Variants in FGF13 observed in about 807,000 individuals in gnomAD.
The protein encoded by FGF13 is fibroblast growth factor homologous factor 2.
In FGF13, 2 loss-of-function variants were observed where a neutral mutation model predicts 19.5. The ratio of observed to expected loss-of-function variants is 0.10; its 90% CI spans 0.04 to 0.32. FGF13 has a LOEUF of 0.32. Among genes scored for constraint, FGF13 ranks in the 10% least tolerant of loss-of-function variants. The pLI, the probability that FGF13 is intolerant of heterozygous loss-of-function variation, is 1.00. For missense variants in FGF13, 113 were observed against 192.7 expected, an observed-to-expected ratio of 0.59 and a Z score of 2.45; for synonymous variants, 72 against 76.9, an observed-to-expected ratio of 0.94 and a Z score of 0.33.
In FGF13 at chrX:138,625,654, A is replaced by G. The variant is rs764602765; in HGVS notation, c.*7196T>C. The G allele has an allele frequency of 2.2e-4, 24 of 106,972 alleles. No homozygotes were observed. The highest frequency in any genetic ancestry group is 8.1e-4 in the African/African-American group (24 of 29,533). 8.8% of individuals were successfully genotyped at this position (106,972 alleles called of 1,213,427 possible). On this transcript the variant is annotated 3_prime_UTR_variant, in exon 5 of 5. Transcript: ENST00000315930. ...AAAAAAGAAAAAAATGCTACATGACATCCTTTGTATAAAAAGAATCTTAAA... is the reference window on the plus strand; with the variant it reads ...AAAAAAGAAAAAAATGCTACATGACGTCCTTTGTATAAAAAGAATCTTAAA...
chrX:139,081,723 CCTCT>C (rs754997120), intron 1 of FGF13, among the ~76,000 whole-genome samples: 5 of 75,383 alleles, frequency 6.6e-5, no homozygotes, highest in Non-Finnish European at 4.7e-5. Context: ...ATTCTTAATT[CCTCT>C]CTCTCTCTCT....
Position 139,135,883 on chromosome X carries a change from G to A in FGF13, c.-113+67533C>T, listed in dbSNP as rs745978602. On this transcript the variant is annotated intron_variant, in intron 1 of 2. Transcript: ENST00000421460. ...TGTACGTCTTCATCAGTCCTATCACGTCCTTCATCATGTCAAAATTTCAAA... is the reference window on the plus strand; with the variant it reads ...TGTACGTCTTCATCAGTCCTATCACATCCTTCATCATGTCAAAATTTCAAA... 2.2e-4 allele frequency among the ~76,000 whole-genome samples: 24 copies of A among 111,252 alleles called. No individual in the cohort carries two copies. The South Asian group carries it at 2.7e-3, about 13-fold the overall frequency.
intron 3 of FGF13, among the ~76,000 whole-genome samples, chrX:138,681,551 A>G (rs1444575737): frequency 1.8e-5 from 2 of 113,052 alleles, no homozygotes; most frequent in African/African-American, 3.2e-5. Context: ...TCACTGGTGT[A>G]GCACTTTTAC....
At chrX:139,201,467 G>A (rs756391628) in intron 1 of FGF13, among the ~76,000 whole-genome samples, 2 of 111,940 alleles carry the variant, frequency 1.8e-5, no homozygotes, top group South Asian at 7.5e-4. Context: ...CATTCAAACT[G>A]TTACTAAATT....
In FGF13 at chrX:139,096,812, AT is replaced by A. The variant is rs768085575; in HGVS notation, c.-113+106603del. Among the ~76,000 whole-genome samples, 24 of 112,094 alleles carry A rather than the reference AT, an allele frequency of 2.1e-4. No individual in the cohort carries two copies. The South Asian group carries it at 8.5e-3, about 40-fold the overall frequency. Reference sequence around the variant, plus strand: ...AGATATCGACATTAGTAGAAAAAAAATTTTTTAATTGACTCAAGAACATTCT... The same window carrying A: ...AGATATCGACATTAGTAGAAAAAAAATTTTTAATTGACTCAAGAACATTCT... On this transcript the variant is annotated intron_variant, in intron 1 of 2. Coordinates refer to the FGF13 transcript ENST00000421460.
intron 3 of FGF13, among the ~76,000 whole-genome samples, chrX:138,753,632 G>A (rs1421710787): frequency 3.6e-5 from 4 of 111,928 alleles, no homozygotes; most frequent in Non-Finnish European, 5.6e-5. Context: ...ATTTCTGAGT[G>A]TAAGACTGAA....
chrX:139,177,195 C>T (rs1038121634), intron 1 of FGF13, among the ~76,000 whole-genome samples: 1 of 96,692 alleles, frequency 1.0e-5, no homozygotes, highest in Admixed American at 1.1e-4. Flanking sequence ...GATCTTTGTT[C>T]GTTTAAACTC....
chrX:138,744,222 C>T (rs1167704355), upstream of FGF13, among the ~76,000 whole-genome samples: 1 of 111,123 alleles, frequency 9.0e-6, no homozygotes, highest in African/African-American at 3.3e-5. Flanking sequence ...AGATTCCTGC[C>T]CTCCTGCATG....
chrX:138,689,159 C>T (rs1254382009), intron 3 of FGF13, among the ~76,000 whole-genome samples: 2 of 111,254 alleles, frequency 1.8e-5, no homozygotes, highest in Non-Finnish European at 3.8e-5. Flanking sequence ...ATTTTGATTC[C>T]CTGAAACTCC....
chrX:138,873,049 AG>A (rs1251958815), intron 1 of FGF13, among the ~76,000 whole-genome samples: 1 of 111,751 alleles, frequency 8.9e-6, no homozygotes, highest in East Asian at 2.8e-4. Flanking sequence ...GAACGTTTTG[AG>A]GTTTTTTTGT....
At chrX:139,157,159 G>A (rs778422810) in intron 1 of FGF13, among the ~76,000 whole-genome samples, 2 of 111,169 alleles carry the variant, frequency 1.8e-5, no homozygotes, top group Non-Finnish European at 3.8e-5. Flanking sequence ...TGTAGGAATT[G>A]TCATCCTTAT....
At chrX:139,105,470 A>C (rs1222079949) in intron 1 of FGF13, among the ~76,000 whole-genome samples, 1 of 111,795 alleles carries the variant, frequency 8.9e-6, no homozygotes, top group Non-Finnish European at 1.9e-5. Context: ...ATCTACCTTC[A>C]TGCTCACGAA....
intron 3 of FGF13, among the ~76,000 whole-genome samples, chrX:138,830,729 G>GTT (rs2091066809): frequency 1.0e-5 from 1 of 96,213 alleles, no homozygotes; most frequent in African/African-American, 3.8e-5. Flanking sequence ...GTGTGTGTGT[G>GTT]TTTTAAGCTA....
chrX:139,092,793 T>A (rs5976270), intron 1 of FGF13, among the ~76,000 whole-genome samples: 1 of 110,412 alleles, frequency 9.1e-6, no homozygotes, highest in East Asian at 2.9e-4. Context: ...GCATGTTTAC[T>A]TTTGACCTAC....
intron 1 of FGF13, among the ~76,000 whole-genome samples, chrX:139,035,050 A>T (rs749826842): frequency 8.9e-6 from 1 of 111,956 alleles, no homozygotes; most frequent in South Asian, 3.7e-4. Flanking sequence ...GCAATGATCT[A>T]TCTTTCTATC....
intron 1 of FGF13, among the ~76,000 whole-genome samples, chrX:138,976,151 A>G (rs965609641): frequency 8.9e-6 from 1 of 111,889 alleles, no homozygotes; most frequent in Non-Finnish European, 1.9e-5. Context: ...TGACCACCGG[A>G]AACAAGGCTC....
rs1224413796 is a variant in FGF13 at position 138,958,995 on chromosome X, G to T, written c.-112-94345C>A. ...CAGCTCCTGGATTCACTGATTTTTT[G>T]AAAGGATTTTTGTGTCTCTATCTCC... On this transcript the variant is annotated intron_variant, in intron 1 of 2. Transcript: ENST00000421460. Among the ~76,000 whole-genome samples the T allele has an allele frequency of 9.0e-5, 10 of 111,484 alleles. No individual in the cohort carries two copies. In the East Asian group the frequency reaches 1.7e-3, roughly 19 times the overall value.
chrX:138,988,513 G>A (rs893559053), intron 1 of FGF13, among the ~76,000 whole-genome samples: 3 of 112,095 alleles, frequency 2.7e-5, no homozygotes, highest in Non-Finnish European at 3.8e-5. Context: ...ATCAAAATTT[G>A]TTACTATTTT....
At chrX:138,880,375 T>C (rs2091416159) in intron 1 of FGF13, among the ~76,000 whole-genome samples, 1 of 112,069 alleles carries the variant, frequency 8.9e-6, no homozygotes, top group Admixed American at 9.5e-5. Flanking sequence ...TAAGGACACA[T>C]GCACACGTAT....
Sources: allele counts gnomAD v4.1 joint callset (sites outside exome capture counted in the v4.1 genomes callset), GRCh38; gene constraint gnomAD v4.1.1; transcripts MANE v1.5; gene names NCBI Gene and HGNC (gene_info 2026-07-23, HGNC 2026-07-21).